Variants in PDZRN4 observed in about 807,000 individuals in gnomAD.
The protein encoded by PDZRN4 is PDZ domain containing ring finger 4.
In PDZRN4, 70 loss-of-function variants were observed where a neutral mutation model predicts 99.0. That is an observed-to-expected ratio of 0.71 (90% CI 0.58 to 0.86). The LOEUF (loss-of-function observed/expected upper bound fraction) is 0.86. Ranked by LOEUF, PDZRN4 falls within the 40% of genes least tolerant of loss-of-function variation. The probability of loss-of-function intolerance (pLI) is 0.00; values close to 1 mark genes in which losing one functional copy is unlikely to be tolerated. For missense variants in PDZRN4, 1,474 were observed against 1,331.2 expected, an observed-to-expected ratio of 1.11 and a Z score of -1.67; for synonymous variants, 551 against 501.6, an observed-to-expected ratio of 1.10 and a Z score of -1.32.
intron 3 of PDZRN4, among the ~76,000 whole-genome samples, chr12:41,439,655 T>A (rs1159966367): frequency 6.6e-6 from 1 of 152,172 alleles, no homozygotes; most frequent in East Asian, 1.9e-4. Context: ...TGCCTTCAAG[T>A]GCTTCCTAAA....
At chr12:41,196,321 T>C (rs1950772484) in intron 3 of PDZRN4, among the ~76,000 whole-genome samples, 1 of 152,106 alleles carries the variant, frequency 6.6e-6, no homozygotes, top group Non-Finnish European at 1.5e-5. Flanking sequence ...TGACTAGAGC[T>C]TGAAATTTGT....
At chr12:41,217,669 G>C (rs1950930283) in intron 3 of PDZRN4, among the ~76,000 whole-genome samples, 1 of 152,036 alleles carries the variant, frequency 6.6e-6, no homozygotes, top group African/African-American at 2.4e-5. Flanking sequence ...GGGTAAAACA[G>C]ATCATTTTCT....
chr12:41,254,833 T>C (rs1336397562), intron 3 of PDZRN4, among the ~76,000 whole-genome samples: 1 of 152,214 alleles, frequency 6.6e-6, no homozygotes, highest in Non-Finnish European at 1.5e-5. Flanking sequence ...AGCTCATGCC[T>C]GTAATTCCAA....
intron 3 of PDZRN4, among the ~76,000 whole-genome samples, chr12:41,501,943 T>G (rs1351013159): frequency 1.3e-5 from 2 of 152,158 alleles, no homozygotes; most frequent in Non-Finnish European, 2.9e-5. Flanking sequence ...GCTTCAAGTT[T>G]CATATGATTA....
At chr12:41,365,197 C>T (rs1951989967) in intron 3 of PDZRN4, among the ~76,000 whole-genome samples, 1 of 151,916 alleles carries the variant, frequency 6.6e-6, no homozygotes, top group Admixed American at 6.6e-5. Context: ...TTGGGGATGG[C>T]TAAGAAGAGA....
At chr12:41,464,350 G>A (rs1423619317) in intron 3 of PDZRN4, among the ~76,000 whole-genome samples, 3 of 151,858 alleles carry the variant, frequency 2.0e-5, no homozygotes, top group Non-Finnish European at 4.4e-5. Context: ...CTATAAAATG[G>A]AAGAGTTCAA....
At chr12:41,274,457 T>A (rs1006796378) in intron 3 of PDZRN4, among the ~76,000 whole-genome samples, 1 of 152,184 alleles carries the variant, frequency 6.6e-6, no homozygotes, top group Non-Finnish European at 1.5e-5. Context: ...CACTTCCTAG[T>A]TTAAGCTAGA....
chr12:41,507,917 G>A (rs1324784667), intron 4 of PDZRN4, among the ~76,000 whole-genome samples: 1 of 151,836 alleles, frequency 6.6e-6, no homozygotes, highest in African/African-American at 2.4e-5. Flanking sequence ...ATTCTACAAG[G>A]GGAGTTGAAC....
chr12:41,195,813 A>G (rs1014894401), intron 3 of PDZRN4, among the ~76,000 whole-genome samples: 1 of 152,166 alleles, frequency 6.6e-6, no homozygotes. Context: ...CTTTAAACAG[A>G]AGATTGTCCC....
chr12:41,352,220 G>A (rs1951895407), intron 3 of PDZRN4, among the ~76,000 whole-genome samples: 1 of 152,064 alleles, frequency 6.6e-6, no homozygotes. Flanking sequence ...TGCCAGCTTG[G>A]AGAGTGAGCA....
chr12:41,395,057 C>A (rs1009171281), intron 3 of PDZRN4, among the ~76,000 whole-genome samples: 1 of 152,054 alleles, frequency 6.6e-6, no homozygotes, highest in South Asian at 2.1e-4. Flanking sequence ...TTATATTGCT[C>A]CCACTATGCT....
At chr12:41,419,212 C>T (rs1952470950) in intron 3 of PDZRN4, among the ~76,000 whole-genome samples, 2 of 152,088 alleles carry the variant, frequency 1.3e-5, no homozygotes, top group South Asian at 4.1e-4. Flanking sequence ...AGTAGGATGG[C>T]TTCTGTGAGA....
intron 3 of PDZRN4, among the ~76,000 whole-genome samples, chr12:41,375,376 A>G (rs1952071801): frequency 1.3e-5 from 2 of 152,200 alleles, no homozygotes; most frequent in South Asian, 4.1e-4. Flanking sequence ...TTGAACTACA[A>G]TTAGATGATA....
At chr12:41,427,900 C>T (rs1383935414) in intron 3 of PDZRN4, among the ~76,000 whole-genome samples, 1 of 152,178 alleles carries the variant, frequency 6.6e-6, no homozygotes, top group East Asian at 1.9e-4. Flanking sequence ...CCCACCTGGT[C>T]AACATGGTGA....
At chr12:41,370,299 T>A (rs1486357787) in intron 3 of PDZRN4, among the ~76,000 whole-genome samples, 1 of 151,986 alleles carries the variant, frequency 6.6e-6, no homozygotes, top group Admixed American at 6.6e-5. Flanking sequence ...ATTTTGTTTT[T>A]CATACTGATA....
intron 5 of PDZRN4, among the ~76,000 whole-genome samples, chr12:41,537,155 A>T (rs1938762694): frequency 6.6e-6 from 1 of 152,144 alleles, no homozygotes; most frequent in South Asian, 2.1e-4. Context: ...CTTCCATTAA[A>T]ACACTATAAG....
At chr12:41,495,559 C>T (rs1937983588) in intron 3 of PDZRN4, among the ~76,000 whole-genome samples, 1 of 152,026 alleles carries the variant, frequency 6.6e-6, no homozygotes, top group African/African-American at 2.4e-5. Flanking sequence ...GACTCAAGTA[C>T]CCATCATTTT....
At chr12:41,194,574 G>A (rs1950759679) in intron 3 of PDZRN4, among the ~76,000 whole-genome samples, 1 of 152,208 alleles carries the variant, frequency 6.6e-6, no homozygotes, top group African/African-American at 2.4e-5. Context: ...TTAAACCCAG[G>A]AGGTCAAGGC....
intron 5 of PDZRN4, among the ~76,000 whole-genome samples, chr12:41,535,489 A>T (rs144967398): frequency 0.013 from 1,966 of 152,340 alleles, 21 homozygotes; most frequent in Middle Eastern, 0.037. Context: ...TTATTGGTAC[A>T]TTCTCAAGTG....
Sources: allele counts gnomAD v4.1 joint callset (sites outside exome capture counted in the v4.1 genomes callset), GRCh38; gene constraint gnomAD v4.1.1; transcripts MANE v1.5; gene names NCBI Gene and HGNC (gene_info 2026-07-23, HGNC 2026-07-21).